Variants in DOCK8 observed in about 807,000 individuals in gnomAD.
DOCK8 encodes the protein dedicator of cytokinesis protein 8.
DOCK8 carries 141 observed loss-of-function variants against 245.6 expected under a neutral mutation model. The ratio of observed to expected loss-of-function variants is 0.57; its 90% confidence interval spans 0.50 to 0.66. The LOEUF (loss-of-function observed/expected upper bound fraction) is 0.66. Among genes scored for constraint, DOCK8 ranks in the 30% least tolerant of loss-of-function variants. DOCK8 has a pLI of 0.00. For synonymous variants in DOCK8, 1,168 were observed against 970.2 expected, an observed-to-expected ratio of 1.20 and a Z score of -3.79; for missense variants, 2,965 against 2,603.4, an observed-to-expected ratio of 1.14 and a Z score of -3.02.
chr9:412,715 A>G (rs1464209565), intron 28 of DOCK8, among the ~76,000 whole-genome samples: 3 of 152,172 alleles, frequency 2.0e-5, no homozygotes, highest in African/African-American at 7.2e-5. Context: ...AAAGAAACAC[A>G]AGAGTTATAC....
chr9:412,248 A>G (rs924438366), intron 28 of DOCK8, among the ~76,000 whole-genome samples: 1 of 152,080 alleles, frequency 6.6e-6, no homozygotes, highest in Non-Finnish European at 1.5e-5. Context: ...TACAAGAAAT[A>G]CAAAAATTAG....
chr9:347,683 C>G (rs4142077), intron 14 of DOCK8, among the ~76,000 whole-genome samples: 1 of 151,978 alleles, frequency 6.6e-6, no homozygotes, highest in Admixed American at 6.5e-5. Context: ...AGCCAAGGAA[C>G]GGAGACAAAG....
intron 5 of DOCK8, among the ~76,000 whole-genome samples, chr9:306,508 G>A (rs1250563350): frequency 1.3e-5 from 2 of 152,164 alleles, no homozygotes; most frequent in African/African-American, 4.8e-5. Flanking sequence ...ACAGGGAATT[G>A]ATTAAACCGG....
At chr9:363,360 C>G (rs548057886) in intron 14 of DOCK8, among the ~76,000 whole-genome samples, 5 of 152,350 alleles carry the variant, frequency 3.3e-5, no homozygotes, top group African/African-American at 1.2e-4. Context: ...ACATGATTCT[C>G]TGGCCAGTAT....
chr9:352,379 C>G (rs887859480), intron 14 of DOCK8, among the ~76,000 whole-genome samples: 8 of 152,074 alleles, frequency 5.3e-5, no homozygotes, highest in African/African-American at 1.9e-4. Flanking sequence ...AACGTTTCCT[C>G]CCAGAGTTGT....
Position 238,031 on chromosome 9 carries a change from C to T in DOCK8, c.53+23002C>T, listed in dbSNP as rs2047297754. Among the ~76,000 whole-genome samples, 3 of 152,158 alleles carry T rather than the reference C, an allele frequency of 2.0e-5. No individual in the cohort carries two copies. The South Asian group carries it at 6.2e-4, about 31-fold the overall frequency. ...GGAGGATTTATAGGAGAAGATGAGT[C>T]ACGTTACTTTTTGTGACTATTTTTC... On this transcript the variant is annotated intron_variant, in intron 1 of 47. Transcript: ENST00000432829.
intron 1 of DOCK8, among the ~76,000 whole-genome samples, chr9:243,840 T>C (rs1406143214): frequency 2.0e-5 from 3 of 152,066 alleles, no homozygotes; most frequent in Non-Finnish European, 1.5e-5. Context: ...ATCGGCATCC[T>C]CAAAGACAAT....
At chr9:367,506 TGTC>T in intron 14 of DOCK8, among the ~76,000 whole-genome samples, 1 of 146,684 alleles carries the variant, frequency 6.8e-6, no homozygotes, top group Non-Finnish European at 1.5e-5. Flanking sequence ...TTATTGTTGT[TGTC>T]GTTTACAGTA....
chr9:293,517 A>G (rs2049132599), intron 4 of DOCK8, among the ~76,000 whole-genome samples: 1 of 152,258 alleles, frequency 6.6e-6, no homozygotes, highest in African/African-American at 2.4e-5. Flanking sequence ...GCTTTCATAG[A>G]TAAGCCACTA....
intron 46 of DOCK8, chr9:460,638 G>C (rs900150630): frequency 6.6e-6 from 1 of 152,222 alleles, no homozygotes; most frequent in Non-Finnish European, 1.5e-5. Context: ...ATAAAAGATA[G>C]GTGAAAATCC....
At chr9:249,097 C>G (rs1368238028) in intron 1 of DOCK8, among the ~76,000 whole-genome samples, 1 of 152,158 alleles carries the variant, frequency 6.6e-6, no homozygotes, top group African/African-American at 2.4e-5. Context: ...AAACACTTCC[C>G]TCACCTGGGA....
intron 11 of DOCK8, among the ~76,000 whole-genome samples, chr9:335,660 A>T (rs1331660732): frequency 1.3e-5 from 2 of 152,140 alleles, no homozygotes; most frequent in Non-Finnish European, 2.9e-5. Flanking sequence ...TAGAGGGCAC[A>T]CAAGCTAGGT....
intron 2 of DOCK8, chr9:277,219 G>A (rs957110275): frequency 1.9e-5 from 3 of 154,306 alleles, no homozygotes; most frequent in Non-Finnish European, 4.4e-5. Context: ...AAGAGTTCGA[G>A]GCCAGCCTAG....
chr9:221,992 G>A (rs191131175), intron 1 of DOCK8, among the ~76,000 whole-genome samples: 1 of 152,176 alleles, frequency 6.6e-6, no homozygotes, highest in East Asian at 1.9e-4. Context: ...AGTGGCTCAT[G>A]CCTGGAACCT....
chr9:426,042 T>G (rs138584094), intron 33 of DOCK8, among the ~76,000 whole-genome samples: 4 of 152,132 alleles, frequency 2.6e-5, no homozygotes, highest in African/African-American at 4.8e-5. Context: ...TGGTAACATC[T>G]TGGCTACTGA....
rs993427050 is a variant in DOCK8 at position 401,011 on chromosome 9, C to T, written c.3234+1752C>T. On this transcript the variant is annotated intron_variant, in intron 26 of 47. Transcript: ENST00000432829. The stretch of plus-strand genomic sequence containing the variant: ...CCTCCACCACCACCACCATTAGCTC[C>T]ACCATGACCACCTCCTTCACCTCCA... 6.8e-5 allele frequency among the ~76,000 whole-genome samples: 10 copies of T among 146,712 alleles called. 1 individual carries two copies. The highest frequency in any genetic ancestry group is 1.2e-4 in the Non-Finnish European group (8 of 66,590).
chr9:412,993 C>G (rs1411637226), intron 28 of DOCK8, among the ~76,000 whole-genome samples: 2 of 152,072 alleles, frequency 1.3e-5, no homozygotes, highest in East Asian at 3.9e-4. Context: ...AGGACTCACA[C>G]TTCCCAATTT....
At chr9:214,678 G>A (rs1334502282), upstream of DOCK8, 7 of 1,586,600 alleles carry the variant, frequency 4.4e-6, no homozygotes, top group South Asian at 3.4e-5. Flanking sequence ...GGCGGCCCCG[G>A]GCAGAGCGCG....
At chr9:330,590 G>A (rs1018738950) in intron 9 of DOCK8, among the ~76,000 whole-genome samples, 8 of 152,200 alleles carry the variant, frequency 5.3e-5, no homozygotes, top group Non-Finnish European at 1.0e-4. Context: ...TTGAAATAAT[G>A]TATGTAAAAA....
Sources: gnomAD v4.1 joint callset for allele counts (sites outside exome capture counted in the v4.1 genomes callset) on GRCh38, gnomAD v4.1.1 for gene constraint, MANE v1.5 for transcripts, NCBI Gene and HGNC (gene_info 2026-07-23, HGNC 2026-07-21) for gene names.